Variants in MARK1 observed in about 807,000 individuals in gnomAD.
MARK1 encodes serine/threonine-protein kinase MARK1.
Under a neutral mutation model 96.3 loss-of-function variants are expected in MARK1, and 40 were observed. The ratio of observed to expected loss-of-function variants is 0.42; its 90% CI spans 0.32 to 0.54. The LOEUF (loss-of-function observed/expected upper bound fraction) is 0.54. MARK1 is among the 20% of genes least tolerant of loss of function. MARK1 has a pLI of 0.16. For missense variants in MARK1, 719 were observed against 984.6 expected (o/e 0.73, Z 3.61); for synonymous variants, 317 against 341.2 (o/e 0.93, Z 0.78).
At chr1:220,641,692 T>C (rs1668278601) in intron 13 of MARK1, among the ~76,000 whole-genome samples, 1 of 147,874 alleles carries the variant, frequency 6.8e-6, no homozygotes. Flanking sequence ...AGGCGAGTGA[T>C]TTCTGCCCTT....
At chr1:220,636,889 C>T (rs1355281710) in intron 13 of MARK1, among the ~76,000 whole-genome samples, 1 of 144,238 alleles carries the variant, frequency 6.9e-6, no homozygotes, top group African/African-American at 2.6e-5. Context: ...GGCAGCAGAG[C>T]GAGACTCCGT....
chr1:220,649,070 A>G (rs1668730147), intron 13 of MARK1, among the ~76,000 whole-genome samples: 1 of 152,234 alleles, frequency 6.6e-6, no homozygotes, highest in Non-Finnish European at 1.5e-5. Context: ...GATGTTAATG[A>G]CATGTTAAAT....
chr1:220,566,474 T>C (rs1216860278), intron 1 of MARK1, among the ~76,000 whole-genome samples: 1 of 152,192 alleles, frequency 6.6e-6, no homozygotes, highest in Non-Finnish European at 1.5e-5. Context: ...AAACTATTAT[T>C]GGTCAAGCAG....
At chr1:220,630,927 C>A (rs751723023) in intron 9 of MARK1, 108 bp from the exon 10 acceptor site, 3 of 735,722 alleles carry the variant, frequency 4.1e-6, no homozygotes, top group Non-Finnish European at 6.8e-6. Context: ...AGAAATGTCA[C>A]ATGAAACTTC....
intron 3 of MARK1, among the ~76,000 whole-genome samples, chr1:220,582,365 TA>T (rs948936120): frequency 6.6e-6 from 1 of 152,222 alleles, no homozygotes; most frequent in Non-Finnish European, 1.5e-5. Flanking sequence ...TGCCTTTGTG[TA>T]AGTGAGAAAA....
intron 3 of MARK1, among the ~76,000 whole-genome samples, chr1:220,585,732 G>A (rs1283571417): frequency 1.3e-5 from 2 of 152,034 alleles, no homozygotes; most frequent in African/African-American, 2.4e-5. Context: ...CATAATCTTC[G>A]GGGAGAAATA....
At chr1:220,563,661 T>C (rs1237960824) in intron 1 of MARK1, among the ~76,000 whole-genome samples, 1 of 152,140 alleles carries the variant, frequency 6.6e-6, no homozygotes, top group Non-Finnish European at 1.5e-5. Context: ...AAATTGACCA[T>C]AGCCCTTTGA....
At chr1:220,586,215 G>A (rs1042344348) in intron 3 of MARK1, among the ~76,000 whole-genome samples, 2 of 151,972 alleles carry the variant, frequency 1.3e-5, no homozygotes, top group African/African-American at 4.8e-5. Context: ...CCATGAACTC[G>A]CCGTAGCTTC....
intron 1 of MARK1, among the ~76,000 whole-genome samples, chr1:220,541,087 C>A (rs1661114238): frequency 6.6e-6 from 1 of 152,208 alleles, no homozygotes; most frequent in South Asian, 2.1e-4. Context: ...TGCCTGCCAC[C>A]ATACCTGGCT....
At chr1:220,625,939 C>T (rs1208022650) in intron 9 of MARK1, 2 of 542,928 alleles carry the variant, frequency 3.7e-6, no homozygotes, top group African/African-American at 3.8e-5. Flanking sequence ...GACCAAGTAC[C>T]ACAGGGATGA....
chr1:220,593,377 A>G (rs898694170), intron 3 of MARK1, among the ~76,000 whole-genome samples: 3 of 152,164 alleles, frequency 2.0e-5, no homozygotes, highest in African/African-American at 4.8e-5. Flanking sequence ...GAAAGTCATC[A>G]AATAATAAGC....
At chr1:220,628,312 C>T (rs1487238447) in intron 9 of MARK1, among the ~76,000 whole-genome samples, 1 of 152,150 alleles carries the variant, frequency 6.6e-6, no homozygotes, top group Non-Finnish European at 1.5e-5. Context: ...TCAGTGCTGC[C>T]ATCTTGCTCC....
chr1:220,557,737 C>T (rs1307651077), intron 1 of MARK1, among the ~76,000 whole-genome samples: 3 of 152,034 alleles, frequency 2.0e-5, no homozygotes, highest in African/African-American at 7.2e-5. Context: ...AGGTTGATAA[C>T]TATGAACAAG....
rs558252405 is a variant in MARK1, at chr1:220,552,877, A to G, written c.51+24004A>G. Among the ~76,000 whole-genome samples the G allele has an allele frequency of 6.6e-4, 100 of 152,170 alleles. 3 individuals carry two copies. The South Asian group carries it at 0.02, about 30-fold the overall frequency. On this transcript the variant is annotated intron_variant, in intron 1 of 17. Transcript: ENST00000366917. The stretch of plus-strand genomic sequence containing the variant: ...CCACCCCCTGCCGCCTGCCACCCCC[A>G]GGAGTGGTGCTATTTTGGGAGCTCA...
intron 13 of MARK1, among the ~76,000 whole-genome samples, chr1:220,646,087 G>T (rs1321705733): frequency 6.6e-6 from 1 of 152,094 alleles, no homozygotes; most frequent in Non-Finnish European, 1.5e-5. Context: ...GGAAATAAAG[G>T]GCATTTAGAT....
At chr1:220,611,145 C>T (rs574636843) in intron 6 of MARK1, among the ~76,000 whole-genome samples, 43 of 152,182 alleles carry the variant, frequency 2.8e-4, no homozygotes, top group Non-Finnish European at 5.7e-4. Context: ...GCAGAAGTTG[C>T]CTGCTGCCTT....
chr1:220,599,688 G>A, intron 4 of MARK1, 110 bp from the exon 5 acceptor site: 1 of 528,520 alleles, frequency 1.9e-6, no homozygotes, highest in Non-Finnish European at 3.3e-6. Flanking sequence ...GATTAATAAT[G>A]TTTAGCAAGT....
At chr1:220,597,449 C>T (rs1665448383) in intron 3 of MARK1, among the ~76,000 whole-genome samples, 1 of 151,960 alleles carries the variant, frequency 6.6e-6, no homozygotes, top group South Asian at 2.1e-4. Context: ...GAGGTGGTAC[C>T]TCTTTGTGGC....
At chr1:220,582,734 T>C (rs994965543) in intron 3 of MARK1, among the ~76,000 whole-genome samples, 1 of 152,242 alleles carries the variant, frequency 6.6e-6, no homozygotes, top group African/African-American at 2.4e-5. Flanking sequence ...GTTGCTTTCT[T>C]TATCTGAATA....
Sources: allele counts gnomAD v4.1 joint callset (sites outside exome capture counted in the v4.1 genomes callset), GRCh38; gene constraint gnomAD v4.1.1; transcripts MANE v1.5; gene names NCBI Gene and HGNC (gene_info 2026-07-23, HGNC 2026-07-21).